PHF8: variants seen among roughly 807,000 people sequenced by gnomAD.
PHF8 encodes histone lysine demethylase PHF8.
Under a neutral mutation model 74.4 loss-of-function variants are expected in PHF8, and 9 were observed. That is an observed-to-expected ratio of 0.12 (90% CI 0.07 to 0.21). The LOEUF is 0.21. Ranked by LOEUF, PHF8 falls within the 10% of genes least tolerant of loss-of-function variation. PHF8 has a pLI of 1.00. For missense variants in PHF8, 478 were observed against 816.6 expected (o/e 0.59, Z 5.05); for synonymous variants, 311 against 316.6 (o/e 0.98, Z 0.19).
intron 2 of PHF8, among the ~76,000 whole-genome samples, chrX:54,035,972 G>A (rs1397198230): frequency 9.1e-6 from 1 of 109,799 alleles, no homozygotes; most frequent in Non-Finnish European, 1.9e-5. Flanking sequence ...TTAGCTGGGC[G>A]TGGTGGCACA....
chrX:53,986,273 C>T (rs190876157), intron 16 of PHF8, among the ~76,000 whole-genome samples: 12 of 112,762 alleles, frequency 1.1e-4, no homozygotes, highest in Non-Finnish European at 1.5e-4. Context: ...GACAGAGCCT[C>T]GTTCTGTCGC....
chrX:53,959,130 G>C (rs2065062070), intron 19 of PHF8, among the ~76,000 whole-genome samples: 1 of 111,533 alleles, frequency 9.0e-6, no homozygotes, highest in South Asian at 3.7e-4. Context: ...TAACTTAAAA[G>C]ACCAGATGTC....
chrX:53,995,817 C>T (rs2065737434), intron 11 of PHF8, 35 bp from the exon 12 acceptor site: 1 of 876,886 alleles, frequency 1.1e-6, no homozygotes, highest in African/African-American at 2.0e-5. Flanking sequence ...TAAACCCACA[C>T]ATAAAGAGAC....
intron 13 of PHF8, among the ~76,000 whole-genome samples, chrX:53,993,320 CCT>C (rs782807483): frequency 8.0e-5 from 9 of 112,193 alleles, no homozygotes; most frequent in Non-Finnish European, 1.1e-4. Flanking sequence ...CACACACACC[CCT>C]GATTGTGGCA....
intron 1 of PHF8, 92 bp downstream of exon 1, chrX:54,043,670 T>A: frequency 4.6e-6 from 1 of 215,131 alleles, no homozygotes; most frequent in South Asian, 2.1e-4. Flanking sequence ...CCCCTCAAAC[T>A]GATGAGAGCT....
At chrX:53,995,156 T>A in intron 12 of PHF8, 1 of 342,642 alleles carries the variant, frequency 2.9e-6, no homozygotes, top group Non-Finnish European at 5.9e-6. Context: ...CCTCGTGGTA[T>A]ATGCCACCTG....
rs1207037332 is a variant in PHF8 at position 54,029,940 on chromosome X, A to G, written c.99-7097T>C. Among the ~76,000 whole-genome samples the G allele has an allele frequency of 9.9e-5, 11 of 110,634 alleles. No individual in the cohort carries two copies. The Admixed American group carries it at 1.1e-3, about 11-fold the overall frequency. On this transcript the variant is annotated intron_variant, in intron 2 of 21. Coordinates refer to ENST00000338154, the MANE Select transcript of PHF8 (RefSeq NM_015107.3). ...CACCATGTGACTATAACGATTGCAC[A>G]CCCATGAAGCCAGCTCTGCTCTAAA... is the stretch of plus-strand genomic sequence containing the variant.
chrX:54,022,747 G>A lies in PHF8; in HGVS notation c.184+11C>T. On this transcript the variant is annotated intron_variant, in intron 3 of 21. Transcript: ENST00000338154. ...GATTGTCTTCTCTAGGAAACCCTAAGATCTACTTACTAATGGAGGGCCCAT... is the reference window on the plus strand; with the variant it reads ...GATTGTCTTCTCTAGGAAACCCTAAAATCTACTTACTAATGGAGGGCCCAT... The A allele has an allele frequency of 9.1e-7, 1 of 1,100,173 alleles. No homozygotes were observed. Among genetic ancestry groups the A allele is most frequent in the Non-Finnish European group, 1.3e-6 (1 of 794,327 alleles). 90.7% of individuals were successfully genotyped at this position (1,100,173 alleles called of 1,213,427 possible).
intron 19 of PHF8, among the ~76,000 whole-genome samples, chrX:53,950,095 A>C (rs782562894): frequency 1.8e-5 from 2 of 111,586 alleles, no homozygotes; most frequent in South Asian, 3.8e-4. Flanking sequence ...ATTCAAGAAA[A>C]ACAGCTGAAT....
At position 54,044,376 on chromosome X, in the gene PHF8, G is replaced by C; in HGVS notation, c.-707C>G. The C allele has an allele frequency of 1.3e-6, 1 of 751,613 alleles. No homozygotes were observed. The allele number at this position is 751,613 out of a possible 1,213,427, so 61.9% of individuals were successfully genotyped here. A position where few individuals can be genotyped will look rare whatever the true frequency, so the allele number is the denominator to read the frequency against. On this transcript the variant is annotated 5_prime_UTR_variant, in exon 1 of 22. Coordinates refer to ENST00000338154, the MANE Select transcript of PHF8 (RefSeq NM_015107.3). Reference sequence around the variant, plus strand: ...CAATGAGGAAGTTGAGGCGGAGAGGGGAGGAGAAATACGGGATAAACAGCT... The same window carrying C: ...CAATGAGGAAGTTGAGGCGGAGAGGCGAGGAGAAATACGGGATAAACAGCT...
intron 19 of PHF8, among the ~76,000 whole-genome samples, chrX:53,955,717 TTTGAG>T (rs1280982795): frequency 9.1e-6 from 1 of 110,042 alleles, no homozygotes; most frequent in African/African-American, 3.3e-5. Context: ...GAATGCATCT[TTTGAG>T]TTAAGAACTC....
At chrX:53,986,423 CA>C (rs1241811822) in intron 16 of PHF8, among the ~76,000 whole-genome samples, 1 of 111,906 alleles carries the variant, frequency 8.9e-6, no homozygotes, top group African/African-American at 3.2e-5. Context: ...TTAGCAGAGA[CA>C]GGGTTTCACC....
intron 2 of PHF8, among the ~76,000 whole-genome samples, chrX:54,035,169 C>T (rs1343824852): frequency 9.2e-6 from 1 of 108,146 alleles, no homozygotes; most frequent in African/African-American, 3.4e-5. Flanking sequence ...CCAACCTGGT[C>T]AACATAGTGA....
chrX:54,009,844 G>GGAGAAAAAAA (rs2065952773), intron 8 of PHF8, among the ~76,000 whole-genome samples: 1 of 9,383 alleles, frequency 1.1e-4, no homozygotes, highest in Non-Finnish European at 4.5e-4. Flanking sequence ...CTCTGTCTCA[G>GGAGAAAAAAA]AAAAAAAAAA....
At chrX:54,020,599 A>T (rs2066154146) in intron 4 of PHF8, among the ~76,000 whole-genome samples, 1 of 112,222 alleles carries the variant, frequency 8.9e-6, no homozygotes, top group Non-Finnish European at 1.9e-5. Context: ...TTGTATATGC[A>T]AAAACCATTT....
intron 8 of PHF8, among the ~76,000 whole-genome samples, chrX:54,004,429 AAAC>A (rs1275438872): frequency 1.8e-5 from 2 of 111,682 alleles, no homozygotes; most frequent in African/African-American, 6.5e-5. Flanking sequence ...CAGACTTGTA[AAAC>A]AATAGACAAT....
chrX:53,987,393 T>C (rs781888940), intron 15 of PHF8, among the ~76,000 whole-genome samples: 1 of 111,528 alleles, frequency 9.0e-6, no homozygotes, highest in East Asian at 2.8e-4. Context: ...CTTAAGTCTA[T>C]CAAGAGGGCC....
intron 4 of PHF8, among the ~76,000 whole-genome samples, chrX:54,021,526 T>G (rs1295162707): frequency 1.2e-5 from 1 of 86,883 alleles, no homozygotes; most frequent in Non-Finnish European, 2.1e-5. Context: ...TGGAGTGCAG[T>G]GGTGGGATCT....
intron 8 of PHF8, among the ~76,000 whole-genome samples, chrX:54,010,397 G>A (rs2065965923): frequency 8.9e-6 from 1 of 111,841 alleles, no homozygotes; most frequent in Non-Finnish European, 1.9e-5. Context: ...CCAATTCCTT[G>A]AAGAGCAGAT....
Sources: gnomAD v4.1 joint callset for allele counts (sites outside exome capture counted in the v4.1 genomes callset) on GRCh38, gnomAD v4.1.1 for gene constraint, MANE v1.5 for transcripts, NCBI Gene and HGNC (gene_info 2026-07-23, HGNC 2026-07-21) for gene names.